DTD1: variants seen among roughly 807,000 people sequenced by gnomAD.
The protein encoded by DTD1 is D-aminoacyl-tRNA deacylase 1.
A neutral mutation model predicts 25.6 loss-of-function variants in DTD1; 13 were observed. That is an observed-to-expected ratio of 0.51 (90% CI 0.33 to 0.81). The LOEUF is 0.81. DTD1 is among the 30% of genes least tolerant of loss of function. The probability of loss-of-function intolerance (pLI) is 0.02; values close to 1 mark genes in which losing one functional copy is unlikely to be tolerated. For missense variants in DTD1, 193 were observed against 266.4 expected (o/e 0.72, Z 1.92); for synonymous variants, 110 against 103.6 (o/e 1.06, Z -0.37).
At chr20:18,717,305 T>G (rs1423301787) in intron 4 of DTD1, among the ~76,000 whole-genome samples, 1 of 152,228 alleles carries the variant, frequency 6.6e-6, no homozygotes, top group Non-Finnish European at 1.5e-5. Context: ...TGGTACAGTA[T>G]GTACCACAGT....
intron 4 of DTD1, among the ~76,000 whole-genome samples, chr20:18,648,014 G>C (rs2060856624): frequency 6.6e-6 from 1 of 152,140 alleles, no homozygotes; most frequent in Admixed American, 6.5e-5. Context: ...AATCACTGTT[G>C]GCCCTGCAGG....
chr20:18,762,233 C>T (rs181046418), intron 5 of DTD1, among the ~76,000 whole-genome samples: 95 of 152,270 alleles, frequency 6.2e-4, no homozygotes, highest in Middle Eastern at 3.4e-3. Flanking sequence ...CATATTGAGT[C>T]GTATTGAAAT....
At chr20:18,627,100 G>C (rs766458885) in intron 3 of DTD1, among the ~76,000 whole-genome samples, 13 of 152,218 alleles carry the variant, frequency 8.5e-5, no homozygotes, top group Non-Finnish European at 1.0e-4. Flanking sequence ...TGACTATCCA[G>C]TAGGATCTAG....
chr20:18,626,184 G>A (rs983660906), intron 3 of DTD1, among the ~76,000 whole-genome samples: 2 of 152,206 alleles, frequency 1.3e-5, no homozygotes, highest in Non-Finnish European at 2.9e-5. Context: ...ACTAACCTAT[G>A]TGCACCTTTG....
intron 4 of DTD1, among the ~76,000 whole-genome samples, chr20:18,673,517 G>A (rs1435046980): frequency 2.0e-5 from 3 of 152,128 alleles, no homozygotes; most frequent in Non-Finnish European, 4.4e-5. Context: ...TTTTAGAATG[G>A]TGTCTGTCTC....
chr20:18,764,656 G>A lies in DTD1; in HGVS notation c.*1316G>A, dbSNP rs1386804881. ...TCTCTTGGAATATAGAGTTGGAAAA[G>A]GGTCTGCCAGACTGCTTTGTTCTAA... On this transcript the variant is annotated 3_prime_UTR_variant, in exon 6 of 6. Transcript: ENST00000377452. The A allele has an allele frequency of 6.6e-6, 1 of 152,152 alleles. No homozygotes were observed. Among genetic ancestry groups the A allele is most frequent in the African/African-American group, 2.4e-5 (1 of 41,436 alleles). The allele number at this position is 152,152 out of a possible 1,614,324, so 9.4% of individuals were successfully genotyped here.
chr20:18,677,276 C>CT (rs1006102438), intron 4 of DTD1, among the ~76,000 whole-genome samples: 102 of 144,832 alleles, frequency 7.0e-4, no homozygotes, highest in Admixed American at 9.0e-4. Context: ...TAACATGTCA[C>CT]TTTTTTTTTT....
At chr20:18,708,350 A>G (rs185658635) in intron 4 of DTD1, among the ~76,000 whole-genome samples, 913 of 71,746 alleles carry the variant, frequency 0.013, 66 homozygotes, top group Middle Eastern at 0.071. Context: ...TATATATTAT[A>G]TATCTATATA....
At chr20:18,731,680 T>C (rs550789138) in intron 4 of DTD1, among the ~76,000 whole-genome samples, 3 of 152,212 alleles carry the variant, frequency 2.0e-5, no homozygotes, top group Non-Finnish European at 4.4e-5. Flanking sequence ...GACTCAACAC[T>C]CTTCACTCCC....
intron 1 of DTD1, among the ~76,000 whole-genome samples, chr20:18,590,864 C>T (rs375434968): frequency 1.1e-4 from 16 of 152,270 alleles, no homozygotes; most frequent in East Asian, 3.9e-4. Context: ...TATTAACAGA[C>T]GGAATAGGGC....
At chr20:18,747,033 T>A (rs1336019702) in intron 5 of DTD1, among the ~76,000 whole-genome samples, 1 of 152,172 alleles carries the variant, frequency 6.6e-6, no homozygotes, top group Non-Finnish European at 1.5e-5. Context: ...CTCCAAAACT[T>A]CATGATAATT....
At chr20:18,639,134 AC>A (rs377259596) in intron 4 of DTD1, among the ~76,000 whole-genome samples, 9 of 149,992 alleles carry the variant, frequency 6.0e-5, no homozygotes, top group African/African-American at 1.7e-4. Flanking sequence ...ATCCTTGGGC[AC>A]AGTCTGGACA....
At chr20:18,593,610 C>G (rs1452101140) in intron 1 of DTD1, 121 bp from the exon 2 acceptor site, 1 of 701,918 alleles carries the variant, frequency 1.4e-6, no homozygotes, top group African/African-American at 1.8e-5. Flanking sequence ...TACGTACTGA[C>G]TTTAACCAAA....
intron 1 of DTD1, among the ~76,000 whole-genome samples, chr20:18,588,341 C>T (rs970022617): frequency 1.3e-5 from 2 of 152,078 alleles, no homozygotes; most frequent in Admixed American, 6.5e-5. Flanking sequence ...CCCCGGCGCG[C>T]CCCTGGCTTC....
rs939803148 is a variant in DTD1, at chr20:18,615,149, G to A, written c.371-12978G>A. ...GCCTCACTTCTGTCATATAATGTTG[G>A]TCAAAGCAGTCTCACAGCCTACCCC... On this transcript the variant is annotated intron_variant, in intron 3 of 5. Coordinates refer to ENST00000377452, the MANE Select transcript of DTD1 (RefSeq NM_080820.6). Among the ~76,000 whole-genome samples the A allele has an allele frequency of 3.9e-5, 6 of 152,046 alleles. No homozygotes were observed. The East Asian group carries it at 5.8e-4, about 15-fold the overall frequency.
chr20:18,601,384 A>C (rs2060633609), intron 3 of DTD1, among the ~76,000 whole-genome samples: 1 of 151,438 alleles, frequency 6.6e-6, no homozygotes, highest in Admixed American at 6.6e-5. Flanking sequence ...CTGTAATCCC[A>C]GTTACTTGGG....
chr20:18,734,356 G>A (rs1196636823), intron 4 of DTD1, among the ~76,000 whole-genome samples: 2 of 152,312 alleles, frequency 1.3e-5, no homozygotes, highest in South Asian at 2.1e-4. Context: ...ATCTCTATAC[G>A]AAGTTGACAC....
intron 4 of DTD1, among the ~76,000 whole-genome samples, chr20:18,674,101 T>C (rs2060960692): frequency 6.6e-6 from 1 of 152,174 alleles, no homozygotes; most frequent in Admixed American, 6.5e-5. Flanking sequence ...GATTTTTTTT[T>C]CCAATTTACT....
intron 4 of DTD1, among the ~76,000 whole-genome samples, chr20:18,703,865 G>A (rs745991621): frequency 6.6e-6 from 1 of 151,860 alleles, no homozygotes; most frequent in Non-Finnish European, 1.5e-5. Flanking sequence ...CCCAGAGTCA[G>A]TTCTGTTTAT....
Sources: gnomAD v4.1 joint callset for allele counts (sites outside exome capture counted in the v4.1 genomes callset) on GRCh38, gnomAD v4.1.1 for gene constraint, MANE v1.5 for transcripts, NCBI Gene and HGNC (gene_info 2026-07-23, HGNC 2026-07-21) for gene names.